The following EP300 variants were observed in gnomAD, a reference collection of about 807,000 sequenced individuals.
EP300 encodes the protein histone acetyltransferase p300.
A neutral mutation model predicts 264.0 loss-of-function variants in EP300; 31 were observed. The ratio of observed to expected loss-of-function variants is 0.12; its 90% CI spans 0.09 to 0.16. The LOEUF (loss-of-function observed/expected upper bound fraction) is 0.16, where lower values mean the gene tolerates loss of function less well. Ranked by LOEUF, EP300 falls within the 10% of genes least tolerant of loss-of-function variation. EP300 has a pLI of 1.00. For synonymous variants in EP300, 1,340 were observed against 1,045.4 expected (o/e 1.28, Z -5.44); for missense variants, 2,766 against 3,052.9 (o/e 0.91, Z 2.21).
intron 2 of EP300, among the ~76,000 whole-genome samples, chr22:41,119,207 A>T (rs1325116481): frequency 3.7e-5 from 4 of 108,140 alleles, no homozygotes; most frequent in African/African-American, 1.1e-4. Context: ...TTTTTAAGAG[A>T]TGGGGTCTCA....
chr22:41,115,368 A>C (rs181118353), intron 1 of EP300, among the ~76,000 whole-genome samples: 1 of 152,210 alleles, frequency 6.6e-6, no homozygotes, highest in Admixed American at 6.5e-5. Flanking sequence ...GAATTATCAC[A>C]TAGCTCAAAA....
chr22:41,139,770 T>C (rs2058971301), intron 8 of EP300, among the ~76,000 whole-genome samples: 1 of 152,240 alleles, frequency 6.6e-6, no homozygotes, highest in African/African-American at 2.4e-5. Flanking sequence ...GAGTGGTTAC[T>C]GAATTTTATT....
intron 27 of EP300, among the ~76,000 whole-genome samples, chr22:41,172,200 GGTGCTA>G (rs775883528): frequency 2.0e-5 from 3 of 152,166 alleles, no homozygotes; most frequent in Non-Finnish European, 2.9e-5. Context: ...CATGCATGAT[GGTGCTA>G]CCACCCTGAC....
At chr22:41,148,158 G>GC (rs2059023225) in intron 12 of EP300, among the ~76,000 whole-genome samples, 1 of 152,196 alleles carries the variant, frequency 6.6e-6, no homozygotes, top group Non-Finnish European at 1.5e-5. Context: ...TTAGTGGCCT[G>GC]CATGCGTTTT....
intron 20 of EP300, among the ~76,000 whole-genome samples, chr22:41,162,356 G>A (rs2059112767): frequency 1.3e-5 from 2 of 152,180 alleles, no homozygotes; most frequent in African/African-American, 2.4e-5. Context: ...TGGTAAGACT[G>A]TTAGCTTTTG....
At chr22:41,119,418 A>G (rs1394182537) in intron 2 of EP300, among the ~76,000 whole-genome samples, 1 of 152,006 alleles carries the variant, frequency 6.6e-6, no homozygotes, top group African/African-American at 2.4e-5. Context: ...CTCTTCTAGG[A>G]TCTAGGAACA....
intron 10 of EP300, among the ~76,000 whole-genome samples, chr22:41,141,833 C>T (rs968229616): frequency 1.3e-5 from 2 of 152,012 alleles, no homozygotes; most frequent in African/African-American, 2.4e-5. Flanking sequence ...CATGCCACCA[C>T]GCCTGTCTAA....
Position 41,177,599 on chromosome 22 carries a change from C to T in EP300, c.5888C>T (p.Ala1963Val), listed in dbSNP as rs754423861. 1.2e-6 allele frequency: 2 copies of T among 1,614,150 alleles called. No individual in the cohort carries two copies. Among genetic ancestry groups the T allele is most frequent in the South Asian group, 1.1e-5 (1 of 91,084 alleles). ...QHQMPPMTPM[A>V]PMGMNPPPMT... Reference sequence around the variant, plus strand: ...CAGATGCCCCCGATGACTCCCATGGCCCCCATGGGTATGAACCCACCTCCC... The same window carrying T: ...CAGATGCCCCCGATGACTCCCATGGTCCCCATGGGTATGAACCCACCTCCC... Residue 1963 changes from alanine (A) to valine (V), a missense_variant, in exon 31 of 31, where the codon GCC becomes GTC. Coordinates refer to ENST00000263253, the MANE Select transcript of EP300 (RefSeq NM_001429.4).
intron 17 of EP300, 68 bp downstream of exon 17, chr22:41,155,181 A>G: frequency 8.6e-7 from 1 of 1,165,620 alleles, no homozygotes; most frequent in East Asian, 2.3e-5. Context: ...GAGATAATTC[A>G]CATTCCAAAC....
At chr22:41,099,259 TC>T (rs769597497) in intron 1 of EP300, among the ~76,000 whole-genome samples, 55 of 151,686 alleles carry the variant, frequency 3.6e-4, no homozygotes, top group Non-Finnish European at 7.2e-4. Flanking sequence ...AGACAGGGAG[TC>T]CTGACCTCGT....
chr22:41,153,868 A>G (rs1371322898), intron 16 of EP300, among the ~76,000 whole-genome samples: 35 of 152,094 alleles, frequency 2.3e-4, no homozygotes. Flanking sequence ...CCCCCACTCC[A>G]TGGCAACCCC....
chr22:41,140,171 G>C lies in EP300; in HGVS notation c.1792G>C (p.Ala598Pro). The C allele has an allele frequency of 6.2e-7, 1 of 1,614,114 alleles. No individual in the cohort carries two copies. The highest frequency in any genetic ancestry group is 8.5e-7 in the Non-Finnish European group (1 of 1,179,982). ...AGCCATATTTCCTACGCCGGATCCT[G>C]CTGCTTTAAAAGACAGACGGATGGA... ...VQAIFPTPDP[A>P]ALKDRRMENL... Residue 598 changes from alanine (A) to proline (P), a missense_variant, in exon 9 of 31, where the codon GCT (alanine) becomes CCT (proline). Physicochemically the swap from Ala to Pro is conservative, Grantham distance 27. Transcript: ENST00000263253.
intron 10 of EP300, among the ~76,000 whole-genome samples, chr22:41,145,259 ATTT>A (rs1427427287): frequency 1.3e-5 from 2 of 152,220 alleles, no homozygotes; most frequent in Non-Finnish European, 2.9e-5. Flanking sequence ...TTGATTTTTA[ATTT>A]TTATGTAATG....
chr22:41,154,847 T>C (rs1293971924), intron 16 of EP300, 148 bp from the exon 17 acceptor site: 1 of 660,592 alleles, frequency 1.5e-6, no homozygotes, highest in South Asian at 1.7e-5. Context: ...GAATCAGTGA[T>C]TGAGCCTGTA....
At chr22:41,105,198 GAAAAAAAAAA>G (rs764225630) in intron 1 of EP300, among the ~76,000 whole-genome samples, 2 of 60,936 alleles carry the variant, frequency 3.3e-5, no homozygotes, top group East Asian at 1.6e-3. Flanking sequence ...CTCCATCTCA[GAAAAAAAAAA>G]AAAAAAAAAA....
chr22:41,152,144 C>A (rs2059049652), intron 15 of EP300, 62 bp from the exon 16 acceptor site: 2 of 1,590,666 alleles, frequency 1.3e-6, no homozygotes, highest in Admixed American at 3.3e-5. Context: ...AAAGGGTGTT[C>A]AGATTACTGA....
intron 8 of EP300, among the ~76,000 whole-genome samples, chr22:41,138,127 A>G (rs575631927): frequency 1.3e-5 from 2 of 152,160 alleles, no homozygotes; most frequent in Non-Finnish European, 2.9e-5. Flanking sequence ...AAAATATTGC[A>G]TTGATAACAT....
In EP300 at chr22:41,179,280, G is replaced by A. The variant is rs1569123413; in HGVS notation, c.*324G>A. The A allele has an allele frequency of 3.3e-6, 1 of 306,006 alleles. No individual in the cohort carries two copies. The highest frequency in any genetic ancestry group is 6.1e-6 in the Non-Finnish European group (1 of 163,708). The allele number at this position is 306,006 out of a possible 1,614,324, so 19.0% of individuals were successfully genotyped here. On this transcript the variant is annotated 3_prime_UTR_variant, in exon 31 of 31. Coordinates refer to ENST00000263253, the MANE Select transcript of EP300 (RefSeq NM_001429.4). ...TGCTCCTGCCTTGCACCTCCAATAG[G>A]TTTTATTATTTTTTTTAAATTAATG...
chr22:41,100,176 A>G (rs531217314), intron 1 of EP300, among the ~76,000 whole-genome samples: 8 of 152,352 alleles, frequency 5.3e-5, no homozygotes, highest in African/African-American at 1.9e-4. Context: ...TTGAGGTTAC[A>G]GTGAGCTATG....
Sources: gnomAD v4.1 joint callset for allele counts (sites outside exome capture counted in the v4.1 genomes callset) on GRCh38, gnomAD v4.1.1 for gene constraint, MANE v1.5 for transcripts, NCBI Gene and HGNC (gene_info 2026-07-23, HGNC 2026-07-21) for gene names.